Variants in ACTR3B observed in about 807,000 individuals in gnomAD.
The protein encoded by ACTR3B is actin-related protein 3B.
ACTR3B carries 8 observed loss-of-function variants against 59.0 expected under a neutral mutation model. The observed-to-expected ratio is 0.14, with a 90% CI of 0.08 to 0.24. The LOEUF (loss-of-function observed/expected upper bound fraction) is 0.24, where lower values mean the gene tolerates loss of function less well. Ranked by LOEUF, ACTR3B falls within the 10% of genes least tolerant of loss-of-function variation. ACTR3B has a pLI of 1.00. For missense variants in ACTR3B, 245 were observed against 552.3 expected (o/e 0.44, Z 5.58); for synonymous variants, 148 against 197.9 (o/e 0.75, Z 2.12).
chr7:152,851,218 A>G (rs890204494), intron 9 of ACTR3B, among the ~76,000 whole-genome samples: 5 of 152,238 alleles, frequency 3.3e-5, no homozygotes, highest in Middle Eastern at 3.2e-3. Context: ...TATTGTAACA[A>G]TATACTGTAG....
At chr7:152,776,611 GTAAA>G (rs1486658599) in intron 1 of ACTR3B, among the ~76,000 whole-genome samples, 3 of 151,908 alleles carry the variant, frequency 2.0e-5, no homozygotes, top group South Asian at 2.1e-4. Context: ...TCAGTAATAA[GTAAA>G]TAAATCACTG....
intron 2 of ACTR3B, among the ~76,000 whole-genome samples, chr7:152,796,858 G>GTGTTTTTTT (rs2098218216): frequency 3.3e-5 from 1 of 30,434 alleles, no homozygotes. Flanking sequence ...GCTAGTTTTT[G>GTGTTTTTTT]TGTTTTTTTT....
Position 152,824,675 on chromosome 7 carries a change from A to G in ACTR3B, c.859-355A>G, listed in dbSNP as rs1217937029. On this transcript the variant is annotated intron_variant, in intron 8 of 11. Transcript: ENST00000256001. The surrounding 1 kb of genome is among the most constrained non-coding windows in gnomAD (Gnocchi z 4.2). Reference sequence around the variant, plus strand: ...CTCATAATACGAATATTGTCAAATGATATGTCAAAGTCATGTTTCTCACTG... The same window carrying G: ...CTCATAATACGAATATTGTCAAATGGTATGTCAAAGTCATGTTTCTCACTG... 6.6e-6 allele frequency among the ~76,000 whole-genome samples: 1 copy of G among 152,170 alleles called. No individual in the cohort carries two copies. The highest frequency in any genetic ancestry group is 2.4e-5 in the African/African-American group (1 of 41,426).
chr7:152,774,310 A>G (rs180831596), intron 1 of ACTR3B, among the ~76,000 whole-genome samples: 275 of 152,070 alleles, frequency 1.8e-3, no homozygotes, highest in African/African-American at 6.5e-3. Flanking sequence ...CTAGTTTTGT[A>G]TTTTTAGTAG....
At chr7:152,852,693 T>C (rs373800434) in intron 10 of ACTR3B, among the ~76,000 whole-genome samples, 28 of 152,332 alleles carry the variant, frequency 1.8e-4, no homozygotes, top group African/African-American at 6.7e-4. Context: ...TAGCTGGTGA[T>C]CACTGTGGGC....
intron 2 of ACTR3B, among the ~76,000 whole-genome samples, chr7:152,783,838 G>C (rs1206652171): frequency 6.6e-6 from 1 of 151,730 alleles, no homozygotes; most frequent in South Asian, 2.1e-4. Context: ...GCATGTAATC[G>C]CAGCACTTTG....
chr7:152,766,481 A>G (rs2098110992), intron 1 of ACTR3B, among the ~76,000 whole-genome samples: 1 of 152,156 alleles, frequency 6.6e-6, no homozygotes, highest in African/African-American at 2.4e-5. Flanking sequence ...CATTTAGGGA[A>G]TGGTGGGAAC....
intron 1 of ACTR3B, among the ~76,000 whole-genome samples, chr7:152,779,033 A>G (rs1232062207): frequency 6.8e-6 from 1 of 147,518 alleles, no homozygotes; most frequent in Non-Finnish European, 1.5e-5. Context: ...ATTAAACTTC[A>G]GTATTATAGA....
intron 1 of ACTR3B, among the ~76,000 whole-genome samples, chr7:152,782,319 C>T (rs2098156835): frequency 6.6e-6 from 1 of 150,960 alleles, no homozygotes; most frequent in South Asian, 2.1e-4. Context: ...TAGAGTAGTC[C>T]TAATAAGAAA....
chr7:152,852,302 G>A (rs375397151), intron 10 of ACTR3B, 51 bp downstream of exon 10: 2 of 1,546,768 alleles, frequency 1.3e-6, no homozygotes, highest in Non-Finnish European at 1.7e-6. Flanking sequence ...CCCCAGGCCT[G>A]ACCGGGGCCC....
At chr7:152,785,603 G>A (rs1288604807) in intron 2 of ACTR3B, among the ~76,000 whole-genome samples, 1 of 142,384 alleles carries the variant, frequency 7.0e-6, no homozygotes, top group Non-Finnish European at 1.5e-5. Flanking sequence ...AGATGTGGAA[G>A]TGAGGCCCTG....
chr7:152,810,045 A>G (rs1297447231), intron 4 of ACTR3B, among the ~76,000 whole-genome samples: 1 of 152,148 alleles, frequency 6.6e-6, no homozygotes, highest in Non-Finnish European at 1.5e-5. Flanking sequence ...GAACTTTTCC[A>G]TCTTGCAAAA....
intron 9 of ACTR3B, among the ~76,000 whole-genome samples, chr7:152,836,448 G>C (rs1797464089): frequency 6.6e-6 from 1 of 152,056 alleles, no homozygotes; most frequent in Non-Finnish European, 1.5e-5. Context: ...TTAGCCAGCT[G>C]TGGTGGAACG....
At chr7:152,847,112 C>T (rs1323643399) in intron 9 of ACTR3B, among the ~76,000 whole-genome samples, 3 of 146,300 alleles carry the variant, frequency 2.1e-5, no homozygotes, top group South Asian at 2.2e-4. Context: ...CCCCAGTGTC[C>T]GGGCTGTAGT....
chr7:152,764,399 G>A (rs1226029527), intron 1 of ACTR3B, among the ~76,000 whole-genome samples: 1 of 152,086 alleles, frequency 6.6e-6, no homozygotes, highest in Non-Finnish European at 1.5e-5. Context: ...GGAGGCCGAG[G>A]ATGTGGATCA....
intron 1 of ACTR3B, among the ~76,000 whole-genome samples, chr7:152,763,313 C>CAAAA (rs925259822): frequency 9.8e-5 from 2 of 20,490 alleles, no homozygotes; most frequent in Non-Finnish European, 2.0e-4. Context: ...GACTCCATCT[C>CAAAA]AAAAAAAAAA....
chr7:152,780,207 C>T (rs1465097951), intron 1 of ACTR3B, among the ~76,000 whole-genome samples: 5 of 151,870 alleles, frequency 3.3e-5, no homozygotes, highest in African/African-American at 9.7e-5. Flanking sequence ...AAAAATTAGC[C>T]GGGTGTGGTG....
intron 1 of ACTR3B, among the ~76,000 whole-genome samples, chr7:152,775,161 A>G (rs1215591087): frequency 1.4e-5 from 2 of 140,206 alleles, no homozygotes; most frequent in Admixed American, 7.8e-5. Flanking sequence ...ACTGCACTCC[A>G]GCCTGGGTGA....
intron 9 of ACTR3B, among the ~76,000 whole-genome samples, chr7:152,837,283 AGATG>A (rs1412358352): frequency 1.3e-5 from 2 of 152,262 alleles, no homozygotes; most frequent in African/African-American, 4.8e-5. Flanking sequence ...CTTTACTTTG[AGATG>A]AGTTGGAAAG....
Sources: allele counts gnomAD v4.1 joint callset (sites outside exome capture counted in the v4.1 genomes callset), GRCh38; gene constraint gnomAD v4.1.1; non-coding constraint Gnocchi (gnomAD v3.1); transcripts MANE v1.5; gene names NCBI Gene and HGNC (gene_info 2026-07-23, HGNC 2026-07-21).